The following TMOD2 variants were observed in gnomAD, a reference collection of about 807,000 sequenced individuals.
TMOD2 encodes the protein tropomodulin-2.
Under a neutral mutation model 39.9 loss-of-function variants are expected in TMOD2, and 22 were observed. The ratio of observed to expected loss-of-function variants is 0.55; its 90% CI spans 0.39 to 0.79. The LOEUF is 0.79. TMOD2 is among the 30% of genes least tolerant of loss of function. TMOD2 has a pLI of 0.00. For missense variants in TMOD2, 386 were observed against 413.3 expected, an observed-to-expected ratio of 0.93 and a Z score of 0.57; for synonymous variants, 123 against 146.1, an observed-to-expected ratio of 0.84 and a Z score of 1.14.
chr15:51,792,511 T>C (rs966059510), intron 7 of TMOD2, among the ~76,000 whole-genome samples: 2 of 152,180 alleles, frequency 1.3e-5, no homozygotes, highest in African/African-American at 4.8e-5. Flanking sequence ...TCTTAATAAC[T>C]GGACATATAC....
chr15:51,762,513 T>C (rs1333719853), intron 1 of TMOD2, among the ~76,000 whole-genome samples: 1 of 152,180 alleles, frequency 6.6e-6, no homozygotes, highest in Non-Finnish European at 1.5e-5. Flanking sequence ...GACTTCCACA[T>C]AGGTTTTTTG....
intron 1 of TMOD2, among the ~76,000 whole-genome samples, chr15:51,754,060 C>A (rs998713797): frequency 6.6e-6 from 1 of 150,766 alleles, no homozygotes; most frequent in Admixed American, 6.6e-5. Context: ...GTGGGGGGGA[C>A]GGGGGGTTGG....
chr15:51,798,566 T>C (rs1353485143), intron 8 of TMOD2, among the ~76,000 whole-genome samples: 1 of 152,200 alleles, frequency 6.6e-6, no homozygotes, highest in East Asian at 1.9e-4. Flanking sequence ...TAAAGAGCCA[T>C]CTATCCCACA....
Position 51,810,121 on chromosome 15 carries a change from A to G in TMOD2, c.*1667A>G, listed in dbSNP as rs567702783. 7.9e-6 allele frequency: 1 copy of G among 126,070 alleles called. No individual in the cohort carries two copies. The highest frequency in any genetic ancestry group is 2.8e-5 in the African/African-American group (1 of 35,498). The allele number at this position is 126,070 out of a possible 1,614,324, so 7.8% of individuals were successfully genotyped here. A position where few individuals can be genotyped will look rare whatever the true frequency, so the allele number is the denominator to read the frequency against. On this transcript the variant is annotated 3_prime_UTR_variant, in exon 10 of 10. Transcript: ENST00000249700. ...TCATCTCCTTATCTATTTAAAAAAC[A>G]TAGTAAATAATGTTTATGGTTTTCA...
chr15:51,756,713 A>G (rs2055744362), intron 1 of TMOD2, among the ~76,000 whole-genome samples: 1 of 152,208 alleles, frequency 6.6e-6, no homozygotes, highest in African/African-American at 2.4e-5. Context: ...TCTGCATTCT[A>G]GTAAGATCTG....
intron 1 of TMOD2, among the ~76,000 whole-genome samples, chr15:51,757,602 C>G (rs1432652530): frequency 6.6e-6 from 1 of 152,186 alleles, no homozygotes; most frequent in East Asian, 1.9e-4. Context: ...ATTTGCTTCA[C>G]TCCAGCATGT....
intron 1 of TMOD2, among the ~76,000 whole-genome samples, chr15:51,754,992 A>G (rs1369754984): frequency 6.6e-6 from 1 of 152,252 alleles, no homozygotes; most frequent in East Asian, 1.9e-4. Flanking sequence ...TGTGCTTCAC[A>G]TTACTTACAG....
chr15:51,807,111 G>C (rs943524310), intron 9 of TMOD2, among the ~76,000 whole-genome samples: 5 of 152,226 alleles, frequency 3.3e-5, no homozygotes, highest in Non-Finnish European at 7.3e-5. Context: ...GAAAGGAACT[G>C]GGAAAGCTTG....
rs2056178345 is a variant in TMOD2, at chr15:51,814,860, G to A, written c.*6406G>A. 6.6e-6 allele frequency: 1 copy of A among 152,274 alleles called. No individual in the cohort carries two copies. The highest frequency in any genetic ancestry group is 2.4e-5 in the African/African-American group (1 of 41,464). 9.4% of individuals were successfully genotyped at this position (152,274 alleles called of 1,614,324 possible). A position where few individuals can be genotyped will look rare whatever the true frequency, so the allele number is the denominator to read the frequency against. On this transcript the variant is annotated 3_prime_UTR_variant, in exon 10 of 10. Coordinates refer to ENST00000249700, the MANE Select transcript of TMOD2 (RefSeq NM_014548.4). ...TTCTCTCCAGGAGGCTTTGTTCAGA[G>A]GAGGTCTGACTATTGCACAGCCAGT...
intron 4 of TMOD2, among the ~76,000 whole-genome samples, chr15:51,774,286 T>G (rs1249405076): frequency 2.0e-5 from 3 of 152,132 alleles, no homozygotes; most frequent in African/African-American, 7.2e-5. Context: ...TGATAATAAT[T>G]ATTATTATTT....
chr15:51,768,419 G>C lies in TMOD2; in HGVS notation c.283+1G>C. On this transcript the variant is annotated splice_donor_variant, in intron 3 of 9. Coordinates refer to ENST00000249700, the MANE Select transcript of TMOD2 (RefSeq NM_014548.4). LOFTEE classifies it high-confidence loss of function. ...GTGCCCTTCACTGGAGAAAAGAAAG[G>C]TAAGGACCACAGGCAGAGCATCTTG... 6.2e-7 allele frequency: 1 copy of C among 1,613,294 alleles called. No individual in the cohort carries two copies. The highest frequency in any genetic ancestry group is 8.5e-7 in the Non-Finnish European group (1 of 1,179,752).
At position 51,766,523 on chromosome 15, in the gene TMOD2, G is replaced by A. The variant is rs1370581867; in HGVS notation, c.82G>A (p.Glu28Lys). 1 of 1,613,984 alleles carries A rather than the reference G, an allele frequency of 6.2e-7. No homozygotes were observed. Among genetic ancestry groups the A allele is most frequent in the East Asian group, 2.2e-5 (1 of 44,880 alleles). Residue 28 changes from glutamate (E) to lysine (K), a missense_variant, in exon 2 of 10, where the codon GAA becomes AAA. Coordinates refer to ENST00000249700, the MANE Select transcript of TMOD2 (RefSeq NM_014548.4). Reference protein sequence around the residue: ...DELLGKLSEEELKQLENVLDD... With the variant: ...DELLGKLSEEKLKQLENVLDD... ...GCTTCTTGGCAAACTCTCAGAAGAG[G>A]AACTGAAACAGTTGGAAAATGTTCT...
At position 51,771,777 on chromosome 15, in the gene TMOD2, G is replaced by A. The variant is rs368235561; in HGVS notation, c.284-1935G>A. 8.5e-5 allele frequency among the ~76,000 whole-genome samples: 13 copies of A among 152,190 alleles called. No homozygotes were observed. The East Asian group carries it at 9.6e-4, about 11-fold the overall frequency. On this transcript the variant is annotated intron_variant, in intron 3 of 9. Transcript: ENST00000249700. ...ACGCTAGGAATGTTAAGTCTGAGAT[G>A]AGCCCCAGTATTTGAGATGTTATTG...
At chr15:51,783,824 C>T (rs1156329676) in intron 7 of TMOD2, 1 of 152,132 alleles carries the variant, frequency 6.6e-6, no homozygotes, top group African/African-American at 2.4e-5. Context: ...AAGTTCTATT[C>T]TTCCTATGCA....
chr15:51,755,511 C>G (rs2055735853), intron 1 of TMOD2, among the ~76,000 whole-genome samples: 1 of 152,100 alleles, frequency 6.6e-6, no homozygotes, highest in Non-Finnish European at 1.5e-5. Context: ...GGGCACAAGG[C>G]CAGCCATGCC....
intron 7 of TMOD2, among the ~76,000 whole-genome samples, chr15:51,785,150 C>A (rs948925862): frequency 6.6e-6 from 1 of 152,102 alleles, no homozygotes; most frequent in Non-Finnish European, 1.5e-5. Flanking sequence ...CGGTGGCTCA[C>A]GCCTGTAATC....
At chr15:51,805,116 G>A (rs1351891370) in intron 8 of TMOD2, among the ~76,000 whole-genome samples, 1 of 151,536 alleles carries the variant, frequency 6.6e-6, no homozygotes, top group Non-Finnish European at 1.5e-5. Context: ...ATGCCACCAT[G>A]CCCAGCAAAT....
At position 51,807,494 on chromosome 15, in the gene TMOD2, G is replaced by C. The variant is rs535851731; in HGVS notation, c.1022-926G>C. On this transcript the variant is annotated intron_variant, in intron 9 of 9. Coordinates refer to ENST00000249700, the MANE Select transcript of TMOD2 (RefSeq NM_014548.4). ...CAGTGCTTACCTGGGGGGTGCACAGGGTGAGGCCAAGGGACAGACAGGCAA... is the reference window on the plus strand; with the variant it reads ...CAGTGCTTACCTGGGGGGTGCACAGCGTGAGGCCAAGGGACAGACAGGCAA... 4.9e-4 allele frequency among the ~76,000 whole-genome samples: 74 copies of C among 152,304 alleles called. 1 individual carries two copies. Among genetic ancestry groups the C allele is most frequent in the African/African-American group, 1.8e-3 (74 of 41,556 alleles).
intron 3 of TMOD2, among the ~76,000 whole-genome samples, chr15:51,769,948 T>G (rs967136933): frequency 2.0e-5 from 3 of 152,248 alleles, no homozygotes; most frequent in East Asian, 3.9e-4. Flanking sequence ...GGAGGATTGC[T>G]TGAACCCAGG....
Sources: gnomAD v4.1 joint callset for allele counts (sites outside exome capture counted in the v4.1 genomes callset) on GRCh38, gnomAD v4.1.1 for gene constraint, MANE v1.5 for transcripts, NCBI Gene and HGNC (gene_info 2026-07-23, HGNC 2026-07-21) for gene names.